The following DSCAM variants were observed in gnomAD, a reference collection of about 807,000 sequenced individuals.
DSCAM encodes DS cell adhesion molecule.
DSCAM carries 47 observed loss-of-function variants against 217.7 expected under a neutral mutation model. The observed-to-expected ratio is 0.22, with a 90% CI of 0.17 to 0.28. DSCAM has a LOEUF of 0.28. Ranked by LOEUF, DSCAM falls within the 10% of genes least tolerant of loss-of-function variation. The pLI is 1.00. For missense variants in DSCAM, 2,080 were observed against 2,618.3 expected (o/e 0.79, Z 4.49); for synonymous variants, 1,056 against 1,015.3 (o/e 1.04, Z -0.76).
Position 40,338,292 on chromosome 21 carries a change from G to A in DSCAM, c.1592C>T (p.Pro531Leu). Residue 531 changes from proline (P) to leucine (L), a missense_variant, in exon 8 of 33, where the codon CCG (proline) becomes CTG (leucine). Physicochemically the swap from Pro to Leu is moderately conservative, Grantham distance 98. Transcript: ENST00000400454. ...TYIHCRVIGYPYYSIKWYKNS... is the reference protein window; with the variant it reads ...TYIHCRVIGYLYYSIKWYKNS... The stretch of plus-strand genomic sequence containing the variant: ...CTTGTACCATTTAATGGAGTAATAC[G>A]GATAGCCAATCACACGACAGTGAAT... 6.2e-7 allele frequency: 1 copy of A among 1,614,212 alleles called. No individual in the cohort carries two copies. Among genetic ancestry groups the A allele is most frequent in the Non-Finnish European group, 8.5e-7 (1 of 1,180,042 alleles).
At chr21:40,277,509 CG>C (rs1221726355) in intron 10 of DSCAM, among the ~76,000 whole-genome samples, 1 of 151,868 alleles carries the variant, frequency 6.6e-6, no homozygotes, top group African/African-American at 2.4e-5. Flanking sequence ...ACTGAAGAGA[CG>C]AGAGAAATTG....
At chr21:40,130,393 G>A (rs943005431) in intron 19 of DSCAM, among the ~76,000 whole-genome samples, 1 of 152,184 alleles carries the variant, frequency 6.6e-6, no homozygotes, top group African/African-American at 2.4e-5. Context: ...TGATAGAGCA[G>A]TCCTGGAAAG....
intron 1 of DSCAM, among the ~76,000 whole-genome samples, chr21:40,739,310 G>A (rs1203740152): frequency 1.3e-5 from 2 of 152,178 alleles, no homozygotes; most frequent in Admixed American, 6.5e-5. Flanking sequence ...CTCAGGGAAG[G>A]GGCAGCCCCA....
chr21:40,311,096 G>T (rs2074132631), intron 9 of DSCAM, among the ~76,000 whole-genome samples: 1 of 152,138 alleles, frequency 6.6e-6, no homozygotes, highest in Admixed American at 6.6e-5. Context: ...AATGAAGAAG[G>T]ACATGAGAAT....
chr21:40,256,808 A>T (rs1275354054), intron 11 of DSCAM, among the ~76,000 whole-genome samples: 3 of 152,206 alleles, frequency 2.0e-5, no homozygotes, highest in Non-Finnish European at 4.4e-5. Context: ...TGACACATAC[A>T]ATTAACCATC....
chr21:40,339,026 G>C (rs747671967), intron 7 of DSCAM, 93 bp downstream of exon 7: 25 of 1,473,350 alleles, frequency 1.7e-5, no homozygotes, highest in Non-Finnish European at 2.3e-5. Context: ...ATCCGCTCTG[G>C]CATTCCAAGA....
chr21:40,648,034 G>C (rs1413782492), intron 3 of DSCAM, among the ~76,000 whole-genome samples: 1 of 152,106 alleles, frequency 6.6e-6, no homozygotes, highest in African/African-American at 2.4e-5. Flanking sequence ...CACATGCACC[G>C]AGTAGCAAGA....
chr21:40,634,113 T>C (rs1037264699), intron 3 of DSCAM, among the ~76,000 whole-genome samples: 2 of 152,196 alleles, frequency 1.3e-5, no homozygotes, highest in African/African-American at 4.8e-5. Flanking sequence ...AGACACAACA[T>C]ATAAGTCTCT....
intron 3 of DSCAM, among the ~76,000 whole-genome samples, chr21:40,479,064 C>T (rs1298281518): frequency 6.6e-6 from 1 of 152,176 alleles, no homozygotes; most frequent in Non-Finnish European, 1.5e-5. Flanking sequence ...GGGAAGAATG[C>T]TGTAAGAACA....
intron 11 of DSCAM, among the ~76,000 whole-genome samples, chr21:40,199,672 T>C (rs1327011826): frequency 6.6e-6 from 1 of 152,146 alleles, no homozygotes; most frequent in Non-Finnish European, 1.5e-5. Context: ...TGTTCCTGAC[T>C]TTTTAATAAT....
At chr21:40,350,257 C>T (rs1470006899) in intron 5 of DSCAM, among the ~76,000 whole-genome samples, 1 of 152,126 alleles carries the variant, frequency 6.6e-6, no homozygotes, top group Non-Finnish European at 1.5e-5. Context: ...ACACCAAAAG[C>T]AATTGCAACA....
chr21:40,017,621 C>T (rs1044552211), intron 32 of DSCAM, among the ~76,000 whole-genome samples: 8 of 151,308 alleles, frequency 5.3e-5, no homozygotes, highest in Non-Finnish European at 1.2e-4. Context: ...GAGTGCAACT[C>T]GGTTCGCCAC....
At chr21:40,030,495 T>G (rs768272304) in intron 32 of DSCAM, among the ~76,000 whole-genome samples, 5 of 152,168 alleles carry the variant, frequency 3.3e-5, no homozygotes, top group Non-Finnish European at 5.9e-5. Context: ...GCAAAGATCC[T>G]TCTGGTGGTC....
chr21:40,547,783 G>C (rs2076595499), intron 3 of DSCAM, among the ~76,000 whole-genome samples: 1 of 152,152 alleles, frequency 6.6e-6, no homozygotes, highest in Admixed American at 6.5e-5. Flanking sequence ...CTTCAAATGT[G>C]CCTCAAATTG....
At chr21:40,077,635 T>C (rs1281351282) in intron 26 of DSCAM, among the ~76,000 whole-genome samples, 11 of 152,208 alleles carry the variant, frequency 7.2e-5, no homozygotes, top group Admixed American at 7.2e-4. Context: ...CTCTGTCTAA[T>C]TTTACAGCCC....
chr21:40,655,079 A>G (rs9985002), intron 3 of DSCAM, among the ~76,000 whole-genome samples: 29,028 of 152,020 alleles, frequency 0.19, 3,387 homozygotes, highest in Admixed American at 0.28. Flanking sequence ...AGAAGGAGAG[A>G]GAAAATGGAG....
chr21:40,452,041 C>T (rs1006265201), intron 3 of DSCAM, among the ~76,000 whole-genome samples: 1 of 151,890 alleles, frequency 6.6e-6, no homozygotes, highest in Non-Finnish European at 1.5e-5. Flanking sequence ...CCGATAGGCC[C>T]CTCAACCAGG....
intron 1 of DSCAM, among the ~76,000 whole-genome samples, chr21:40,831,016 C>T (rs1223632949): frequency 6.6e-6 from 1 of 152,206 alleles, no homozygotes; most frequent in Admixed American, 6.5e-5. Context: ...CCAGTGGACC[C>T]AGATGGTGAC....
intron 9 of DSCAM, among the ~76,000 whole-genome samples, chr21:40,310,658 G>A (rs542036654): frequency 1.8e-4 from 28 of 152,258 alleles, no homozygotes; most frequent in South Asian, 1.0e-3. Flanking sequence ...TTTATCTGAC[G>A]TTTCAGATTC....
Sources: allele counts gnomAD v4.1 joint callset (sites outside exome capture counted in the v4.1 genomes callset), GRCh38; gene constraint gnomAD v4.1.1; transcripts MANE v1.5; gene names NCBI Gene and HGNC (gene_info 2026-07-23, HGNC 2026-07-21).